Variants in SCEL observed in about 807,000 individuals in gnomAD.
SCEL encodes the protein sciellin.
Under a neutral mutation model 117.6 loss-of-function variants are expected in SCEL, and 113 were observed. The observed-to-expected ratio is 0.96, with a 90% CI of 0.83 to 1.12. The LOEUF (loss-of-function observed/expected upper bound fraction) is 1.12, where lower values mean the gene tolerates loss of function less well. SCEL is among the 50% of genes most tolerant of loss of function. SCEL has a pLI of 0.00. For missense variants in SCEL, 785 were observed against 810.8 expected (o/e 0.97, Z 0.39); for synonymous variants, 270 against 256.2 (o/e 1.05, Z -0.51).
intron 20 of SCEL, 39 bp from the exon 21 acceptor site, chr13:77,609,019 C>T (rs747946975): frequency 1.4e-6 from 2 of 1,468,734 alleles, no homozygotes; most frequent in Non-Finnish European, 9.3e-7. Context: ...GATTTAATTC[C>T]ATTTTTATTT....
intron 16 of SCEL, 150 bp downstream of exon 16, chr13:77,602,274 G>A (rs952290821): frequency 1.2e-5 from 7 of 579,376 alleles, no homozygotes; most frequent in African/African-American, 1.9e-5. Flanking sequence ...GGAATATGTT[G>A]AGTGCTGTTT....
At chr13:77,635,456 CT>C (rs2090232149) in intron 29 of SCEL, among the ~76,000 whole-genome samples, 14 of 152,020 alleles carry the variant, frequency 9.2e-5, no homozygotes, top group Admixed American at 8.5e-4. Context: ...ATAACATAGG[CT>C]TTTTTTCTAT....
chr13:77,617,983 TTC>T lies in SCEL; in HGVS notation c.1572-11_1572-10del, dbSNP rs1567425964. The stretch of plus-strand genomic sequence containing the variant: ...AAATCTATTACCAATCTGAACTTTT[TTC>T]TCTCTCTCTTTTAAACAGCCAAGAC... On this transcript the variant is annotated intron_variant, in intron 26 of 32. Coordinates refer to ENST00000349847, the MANE Select transcript of SCEL (RefSeq NM_144777.3). 6.8e-6 allele frequency: 11 copies of T among 1,611,296 alleles called. No homozygotes were observed. Among genetic ancestry groups the T allele is most frequent in the Non-Finnish European group, 9.3e-6 (11 of 1,177,556 alleles).
At chr13:77,584,707 G>C (rs2086463136) in intron 9 of SCEL, among the ~76,000 whole-genome samples, 2 of 152,004 alleles carry the variant, frequency 1.3e-5, no homozygotes, top group African/African-American at 4.8e-5. Context: ...CAGACATCTA[G>C]TGTTCTGTAC....
intron 4 of SCEL, among the ~76,000 whole-genome samples, 193 bp from the exon 5 acceptor site, chr13:77,563,638 G>C (rs907433696): frequency 6.6e-6 from 1 of 152,104 alleles, no homozygotes; most frequent in African/African-American, 2.4e-5. Context: ...TATTAGCATA[G>C]GATATTGGAT....
In SCEL at chr13:77,555,928, A is replaced by G. The variant is rs752991121; in HGVS notation, c.43+10A>G. 6.2e-7 allele frequency: 1 copy of G among 1,611,246 alleles called. No homozygotes were observed. Among genetic ancestry groups the G allele is most frequent in the Non-Finnish European group, 8.5e-7 (1 of 1,177,688 alleles). The stretch of plus-strand genomic sequence containing the variant: ...TCTCCCACAGGAAATGGTAATGTAC[A>G]TGATGTTTCTCTCACTCAGAAAACT... On this transcript the variant is annotated intron_variant, in intron 2 of 32. Coordinates refer to ENST00000349847, the MANE Select transcript of SCEL (RefSeq NM_144777.3).
intron 1 of SCEL, among the ~76,000 whole-genome samples, chr13:77,543,858 T>TA (rs2083855312): frequency 2.0e-5 from 3 of 152,192 alleles, no homozygotes; most frequent in South Asian, 4.1e-4. Context: ...CTGAGATAGG[T>TA]ACTGTGCGTC....
Position 77,572,168 on chromosome 13 carries a change from C to T in SCEL, c.524C>T (p.Ser175Leu), listed in dbSNP as rs141416270. 3.2e-3 allele frequency: 5,087 copies of T among 1,611,544 alleles called. 16 individuals are homozygous for T. Among genetic ancestry groups the T allele is most frequent in the Middle Eastern group, 0.013 (80 of 6,062 alleles). Residue 175 changes from serine (S) to leucine (L), a missense_variant, in exon 9 of 33, where the codon TCG (serine) becomes TTG (leucine). Transcript: ENST00000349847. The stretch of plus-strand genomic sequence containing the variant: ...CCCCCTCCAGGTTACAATGCCTCCT[C>T]GAGCACAGGAACCAGGAGACGGTAA... ...PPPPPGYNASSSTGTRRREPG... is the reference protein window; with the variant it reads ...PPPPPGYNASLSTGTRRREPG...
chr13:77,568,304 C>A lies in SCEL; in HGVS notation c.369C>A (p.Ser123=). ...LDNQLTNRSM[S]MFRSLEVTKL... ...CTTTCTCTCTTACCAGGAGCATGTCCATGTTTAGATCACTGGAAGTAACAA... is the reference window on the plus strand; with the variant it reads ...CTTTCTCTCTTACCAGGAGCATGTCAATGTTTAGATCACTGGAAGTAACAA... The change falls in exon 7 of 33, where the codon TCC becomes TCA. Residue 123 remains serine, a synonymous_variant. Coordinates refer to ENST00000349847, the MANE Select transcript of SCEL (RefSeq NM_144777.3). 6.4e-7 allele frequency: 1 copy of A among 1,566,148 alleles called. No homozygotes were observed. The highest frequency in any genetic ancestry group is 8.8e-7 in the Non-Finnish European group (1 of 1,141,696).
At chr13:77,569,334 G>A (rs1475625081) in intron 7 of SCEL, 37 bp from the exon 8 acceptor site, 1 of 1,529,904 alleles carries the variant, frequency 6.5e-7, no homozygotes, top group Non-Finnish European at 9.1e-7. Flanking sequence ...GAAAAAGTTT[G>A]AGAGTGGGAT....
intron 9 of SCEL, among the ~76,000 whole-genome samples, chr13:77,579,966 T>TG (rs2086176683): frequency 6.6e-6 from 1 of 152,226 alleles, no homozygotes; most frequent in South Asian, 2.1e-4. Flanking sequence ...TTCTCTGCAT[T>TG]TGTCCTTTAT....
Position 77,569,262 on chromosome 13 carries a change from A to G in SCEL, c.399-109A>G, listed in dbSNP as rs968899509. 4 of 795,298 alleles carry G rather than the reference A, an allele frequency of 5.0e-6. No homozygotes were observed. In the East Asian group the frequency reaches 7.8e-5, roughly 15 times the overall value. 49.3% of individuals were successfully genotyped at this position (795,298 alleles called of 1,614,324 possible). A position where few individuals can be genotyped will look rare whatever the true frequency, so the allele number is the denominator to read the frequency against. ...TTTCTATCCCCAAGTGAAACATTTT[A>G]TGAACAGAGAGCAGGCAGGAATATG... On this transcript the variant is annotated intron_variant, in intron 7 of 32. Transcript: ENST00000349847.
rs375289786 is a variant in SCEL at position 77,569,029 on chromosome 13, C to T, written c.399-342C>T. Among the ~76,000 whole-genome samples, 50 of 152,146 alleles carry T rather than the reference C, an allele frequency of 3.3e-4. 1 individual carries two copies. The South Asian group carries it at 8.1e-3, about 25-fold the overall frequency. On this transcript the variant is annotated intron_variant, in intron 7 of 32. Coordinates refer to ENST00000349847, the MANE Select transcript of SCEL (RefSeq NM_144777.3). ...CAATAATGCTTCTAATGCAAAAAACCGCAACATAATTAGTTAGTCACAATA... is the reference window on the plus strand; with the variant it reads ...CAATAATGCTTCTAATGCAAAAAACTGCAACATAATTAGTTAGTCACAATA...
chr13:77,638,313 T>C (rs1313503933), intron 30 of SCEL, among the ~76,000 whole-genome samples: 2 of 152,212 alleles, frequency 1.3e-5, no homozygotes, highest in Non-Finnish European at 2.9e-5. Flanking sequence ...AAGTCACACC[T>C]CTTTGAGTAG....
rs770729617 is a variant in SCEL at position 77,642,784 on chromosome 13, G to C, written c.2026G>C (p.Glu676Gln). Residue 676 changes from glutamate to glutamine, a missense_variant, in exon 32 of 33, where the codon GAA becomes CAA. Physicochemically the swap from Glu to Gln is conservative, Grantham distance 29. Coordinates refer to ENST00000349847, the MANE Select transcript of SCEL (RefSeq NM_144777.3). The stretch of plus-strand genomic sequence containing the variant: ...GATTTATAGACAGACAATACACTGT[G>C]AACCTTGCTACTCTAAAATTATGGG... ...IWIYRQTIHC[E>Q]PCYSKIMAKW... is the part of the protein sequence containing the mutation. 5.6e-6 allele frequency: 9 copies of C among 1,597,932 alleles called. 1 individual carries two copies. In the South Asian group the frequency reaches 9.0e-5, roughly 16 times the overall value.
intron 27 of SCEL, chr13:77,623,601 ATG>A (rs1246252844): frequency 1.3e-5 from 2 of 152,238 alleles, no homozygotes; most frequent in Non-Finnish European, 2.9e-5. Flanking sequence ...CACTTTGGAA[ATG>A]TGTTTCTTTG....
At chr13:77,562,596 A>G (rs777479227) in intron 4 of SCEL, among the ~76,000 whole-genome samples, 7 of 152,110 alleles carry the variant, frequency 4.6e-5, no homozygotes, top group African/African-American at 7.2e-5. Context: ...ACCTTACCCA[A>G]ACCTCTTTTA....
In SCEL at chr13:77,563,536, G is replaced by T. The variant is rs368221463; in HGVS notation, c.222-295G>T. Among the ~76,000 whole-genome samples, 4 of 152,136 alleles carry T rather than the reference G, an allele frequency of 2.6e-5. 1 individual carries two copies. In the South Asian group the frequency reaches 6.2e-4, roughly 24 times the overall value. On this transcript the variant is annotated intron_variant, in intron 4 of 32. Transcript: ENST00000349847. ...TATTAAACATTTTGAGTGTTGTGTT[G>T]TTTGTTGTGTTGTATGATTTACGTA...
intron 9 of SCEL, among the ~76,000 whole-genome samples, chr13:77,585,836 AG>A (rs1315594757): frequency 6.6e-6 from 1 of 152,056 alleles, no homozygotes. Flanking sequence ...TCCACTCTTC[AG>A]CCTCCCCTCT....
Sources: allele counts gnomAD v4.1 joint callset (sites outside exome capture counted in the v4.1 genomes callset), GRCh38; gene constraint gnomAD v4.1.1; transcripts MANE v1.5; gene names NCBI Gene and HGNC (gene_info 2026-07-23, HGNC 2026-07-21).